Variants in GABBR2 observed in about 807,000 individuals in gnomAD.
GABBR2 encodes gamma-aminobutyric acid type B receptor subunit 2.
A neutral mutation model predicts 105.6 loss-of-function variants in GABBR2; 23 were observed. The ratio of observed to expected loss-of-function variants is 0.22; its 90% CI spans 0.16 to 0.31. The LOEUF (loss-of-function observed/expected upper bound fraction) is 0.31. Ranked by LOEUF, GABBR2 falls within the 10% of genes least tolerant of loss-of-function variation. GABBR2 has a pLI of 1.00. For missense variants in GABBR2, 734 were observed against 1,245.5 expected (o/e 0.59, Z 6.18); for synonymous variants, 478 against 499.7 (o/e 0.96, Z 0.58).
At chr9:98,421,830 G>C (rs1345864837) in intron 7 of GABBR2, among the ~76,000 whole-genome samples, 6 of 152,196 alleles carry the variant, frequency 3.9e-5, no homozygotes, top group African/African-American at 9.7e-5. Context: ...ATAAACAAGA[G>C]TGGATACGTG....
chr9:98,668,997 G>A (rs2131859576), intron 1 of GABBR2, among the ~76,000 whole-genome samples: 1 of 151,862 alleles, frequency 6.6e-6, no homozygotes, highest in South Asian at 2.1e-4. Flanking sequence ...GAATAATGCT[G>A]CTATGAACAT....
intron 13 of GABBR2, among the ~76,000 whole-genome samples, chr9:98,343,039 T>A (rs909473470): frequency 6.6e-6 from 1 of 152,208 alleles, no homozygotes; most frequent in African/African-American, 2.4e-5. Context: ...TCTGTTTCCA[T>A]AGAAACATAA....
rs185917400 is a variant in GABBR2, at chr9:98,551,264, G to T, written c.460-9221C>A. On this transcript the variant is annotated intron_variant, in intron 2 of 18. Transcript: ENST00000259455. ...CTAAAAATACAAAAATTAGCCGGGC[G>T]TGGTGGTGGGCACCTGTAATCCCAG... Among the ~76,000 whole-genome samples, 48 of 152,214 alleles carry T rather than the reference G, an allele frequency of 3.2e-4. 1 individual carries two copies. In the East Asian group the frequency reaches 6.6e-3, roughly 21 times the overall value.
chr9:98,408,439 G>A (rs1832527491), intron 7 of GABBR2, among the ~76,000 whole-genome samples: 1 of 152,212 alleles, frequency 6.6e-6, no homozygotes, highest in African/African-American at 2.4e-5. Flanking sequence ...GACTGGTGAA[G>A]CCATCCCTGC....
chr9:98,425,666 T>A (rs1402181579), intron 7 of GABBR2, among the ~76,000 whole-genome samples: 2 of 152,182 alleles, frequency 1.3e-5, no homozygotes, highest in Non-Finnish European at 1.5e-5. Context: ...ACCTTCCCAT[T>A]TCCTGGTTGA....
chr9:98,534,365 G>A (rs1021806244), intron 3 of GABBR2, among the ~76,000 whole-genome samples: 5 of 152,166 alleles, frequency 3.3e-5, no homozygotes, highest in Non-Finnish European at 7.3e-5. Flanking sequence ...GGGAAAGGCA[G>A]CCATGCTCAT....
Position 98,616,120 on chromosome 9 carries a change from A to C in GABBR2, c.322-38048T>G, listed in dbSNP as rs141932843. On this transcript the variant is annotated intron_variant, in intron 1 of 18. Transcript: ENST00000259455. Reference sequence around the variant, plus strand: ...TTAAATGACTTAGCAAATCCAAACAACGGTTAAGAATTTCAAGCCATGGAC... The same window carrying C: ...TTAAATGACTTAGCAAATCCAAACACCGGTTAAGAATTTCAAGCCATGGAC... Among the ~76,000 whole-genome samples, 27 of 152,312 alleles carry C rather than the reference A, an allele frequency of 1.8e-4. No individual in the cohort carries two copies. In the East Asian group the frequency reaches 5.2e-3, roughly 29 times the overall value.
At chr9:98,417,090 G>A (rs1219827496) in intron 7 of GABBR2, among the ~76,000 whole-genome samples, 1 of 152,192 alleles carries the variant, frequency 6.6e-6, no homozygotes, top group African/African-American at 2.4e-5. Context: ...TGAAGCTTCC[G>A]AGGGCAGGAA....
intron 13 of GABBR2, among the ~76,000 whole-genome samples, chr9:98,328,687 C>T (rs562095012): frequency 3.3e-5 from 5 of 152,202 alleles, no homozygotes; most frequent in African/African-American, 1.2e-4. Context: ...TATCACAGAC[C>T]CCCAAAATAC....
At chr9:98,466,971 A>C (rs539864825) in intron 6 of GABBR2, among the ~76,000 whole-genome samples, 1 of 152,274 alleles carries the variant, frequency 6.6e-6, no homozygotes, top group East Asian at 1.9e-4. Flanking sequence ...CAAAATGGCT[A>C]CTAGAAATCC....
intron 1 of GABBR2, among the ~76,000 whole-genome samples, chr9:98,650,075 T>C (rs928240040): frequency 2.0e-5 from 3 of 152,372 alleles, no homozygotes; most frequent in South Asian, 2.1e-4. Flanking sequence ...TGGAAACTTA[T>C]CAGGTGTGGT....
intron 1 of GABBR2, among the ~76,000 whole-genome samples, chr9:98,701,824 G>T (rs1372936603): frequency 1.3e-5 from 2 of 152,088 alleles, no homozygotes; most frequent in African/African-American, 4.8e-5. Flanking sequence ...CCGTCACACT[G>T]CTTTGTATTT....
chr9:98,510,754 C>G (rs1040542380), intron 3 of GABBR2, among the ~76,000 whole-genome samples: 1 of 151,882 alleles, frequency 6.6e-6, no homozygotes, highest in African/African-American at 2.4e-5. Flanking sequence ...AATACAGGAG[C>G]ACCCAGATTC....
At chr9:98,593,642 G>A (rs997288241) in intron 1 of GABBR2, among the ~76,000 whole-genome samples, 1 of 152,110 alleles carries the variant, frequency 6.6e-6, no homozygotes, top group Admixed American at 6.5e-5. Flanking sequence ...AGCTGCCCAC[G>A]CTACCGACTT....
chr9:98,672,794 C>T (rs1328443059), intron 1 of GABBR2, among the ~76,000 whole-genome samples: 4 of 152,194 alleles, frequency 2.6e-5, no homozygotes, highest in African/African-American at 7.2e-5. Flanking sequence ...TTAATAATTT[C>T]GGGCACTTGA....
chr9:98,500,493 A>C (rs541182599), intron 3 of GABBR2, among the ~76,000 whole-genome samples: 1 of 152,332 alleles, frequency 6.6e-6, no homozygotes, highest in East Asian at 1.9e-4. Context: ...CGGCTGCTGG[A>C]AAGGAGGTAA....
chr9:98,659,939 C>A (rs1054399179), intron 1 of GABBR2, among the ~76,000 whole-genome samples: 6 of 151,936 alleles, frequency 3.9e-5, no homozygotes, highest in African/African-American at 1.5e-4. Context: ...CTGTTACTTG[C>A]CAGAAATAAC....
intron 7 of GABBR2, among the ~76,000 whole-genome samples, chr9:98,420,728 C>T (rs548543703): frequency 4.6e-4 from 70 of 152,174 alleles, no homozygotes; most frequent in Non-Finnish European, 7.5e-4. Flanking sequence ...AGCCCAGAAG[C>T]GCTAGGGAGA....
chr9:98,415,857 A>G (rs1832681389), intron 7 of GABBR2, among the ~76,000 whole-genome samples: 1 of 152,156 alleles, frequency 6.6e-6, no homozygotes, highest in Non-Finnish European at 1.5e-5. Context: ...TTCTAACAAC[A>G]TGCCATTCTC....
Sources: gnomAD v4.1 joint callset for allele counts (sites outside exome capture counted in the v4.1 genomes callset) on GRCh38, gnomAD v4.1.1 for gene constraint, MANE v1.5 for transcripts, NCBI Gene and HGNC (gene_info 2026-07-23, HGNC 2026-07-21) for gene names.